Variants in ZNF707 observed in about 807,000 individuals in gnomAD.
ZNF707 encodes the protein zinc finger protein 707.
ZNF707 carries 8 observed loss-of-function variants against 13.3 expected under a neutral mutation model. The observed-to-expected ratio is 0.60, with a 90% CI of 0.35 to 1.09. The LOEUF (loss-of-function observed/expected upper bound fraction) is 1.09. ZNF707 is among the 50% of genes least tolerant of loss of function. The pLI is 0.02. For synonymous variants in ZNF707, 225 were observed against 205.6 expected (o/e 1.09, Z -0.81); for missense variants, 530 against 512.6 (o/e 1.03, Z -0.33).
At position 143,693,293 on chromosome 8, in the gene ZNF707, T is replaced by C. The variant is rs1225392661; in HGVS notation, c.257-378T>C. Among the ~76,000 whole-genome samples the C allele has an allele frequency of 6.6e-6, 1 of 151,736 alleles. No individual in the cohort carries two copies. Among genetic ancestry groups the C allele is most frequent in the Non-Finnish European group, 1.5e-5 (1 of 67,840 alleles). ...GGAGGGTCCTCTGGGCTTTTTTTTT[T>C]TTTTTGAGACGGAGTCTCGCTCTGT... On this transcript the variant is annotated intron_variant, in intron 5 of 5. Transcript: ENST00000358656. The surrounding 1 kb of genome is among the most constrained non-coding windows in gnomAD (Gnocchi z 4.1).
intron 5 of ZNF707, chr8:143,692,249 G>T (rs1437296368): frequency 1.6e-6 from 2 of 1,290,026 alleles, no homozygotes; most frequent in Non-Finnish European, 2.0e-6. Flanking sequence ...TTTCAGAGTG[G>T]GATGGAGCAG....
rs1204762981 is a variant in ZNF707 at position 143,686,789 on chromosome 8, A to C, written c.-151+2247A>C. On this transcript the variant is annotated intron_variant, in intron 1 of 5. Transcript: ENST00000358656. ...CCAAAGTGCTGGGATTACAGGCGTG[A>C]GCCACTGCACCCCGTCTCCTTTTTT... 25 of 148,958 alleles carry C rather than the reference A, an allele frequency of 1.7e-4. 1 individual carries two copies. Among genetic ancestry groups the C allele is most frequent in the African/African-American group, 6.2e-4 (25 of 40,466 alleles). The allele number at this position is 148,958 out of a possible 1,614,324, so 9.2% of individuals were successfully genotyped here.
chr8:143,687,667 G>A (rs778270462), intron 1 of ZNF707, among the ~76,000 whole-genome samples: 81 of 152,162 alleles, frequency 5.3e-4, no homozygotes, highest in Middle Eastern at 3.4e-3. Flanking sequence ...ATGGCTTTAT[G>A]TGTTTTTTCT....
chr8:143,694,629 G>C lies in ZNF707; in HGVS notation c.*99G>C. ...GCTCTTCAGCCTGGAAAATCAACCTGAATTCAGAGAAGCCTTCTTAGTCCT... is the reference window on the plus strand; with the variant it reads ...GCTCTTCAGCCTGGAAAATCAACCTCAATTCAGAGAAGCCTTCTTAGTCCT... On this transcript the variant is annotated 3_prime_UTR_variant, in exon 6 of 6. Coordinates refer to ENST00000358656, the MANE Select transcript of ZNF707 (RefSeq NM_001100598.2). The surrounding 1 kb of genome is among the most constrained non-coding windows in gnomAD (Gnocchi z 4.4). The C allele has an allele frequency of 3.0e-6, 4 of 1,333,644 alleles. No homozygotes were observed. The highest frequency in any genetic ancestry group is 4.0e-6 in the Non-Finnish European group (4 of 1,003,138). The allele number at this position is 1,333,644 out of a possible 1,614,324, so 82.6% of individuals were successfully genotyped here. A position where few individuals can be genotyped will look rare whatever the true frequency, so the allele number is the denominator to read the frequency against.
chr8:143,691,570 A>G (rs1377270875), intron 4 of ZNF707, 30 bp from the exon 5 acceptor site: 1 of 1,571,200 alleles, frequency 6.4e-7, no homozygotes, highest in African/African-American at 1.4e-5. Context: ...CAGTACAAGT[A>G]AAACAGAAAC....
At chr8:143,691,968 G>A (rs915905019) in intron 5 of ZNF707, 11 of 1,406,660 alleles carry the variant, frequency 7.8e-6, no homozygotes, top group Non-Finnish European at 9.6e-6. Context: ...GGAGGGGCCT[G>A]AGGCTGGAGT....
At position 143,691,283 on chromosome 8, in the gene ZNF707, A is replaced by G. The variant is rs1816789527; in HGVS notation, c.142+84A>G. On this transcript the variant is annotated intron_variant, in intron 4 of 5. Transcript: ENST00000358656. ...TGCCTCTGGGCCCAGCTCGTCCAGG[A>G]CAGTAGTGGGGCCTCCCAGCTGAGG... The G allele has an allele frequency of 4.6e-6, 7 of 1,516,874 alleles. No individual in the cohort carries two copies. In the East Asian group the frequency reaches 1.6e-4, roughly 35 times the overall value. The allele number at this position is 1,516,874 out of a possible 1,614,324, so 94.0% of individuals were successfully genotyped here. A position where few individuals can be genotyped will look rare whatever the true frequency, so the allele number is the denominator to read the frequency against.
rs782376325 is a variant in ZNF707, at chr8:143,691,680, G to A, written c.223G>A (p.Glu75Lys). The change falls in exon 5 of 6, where the codon GAG (glutamate) becomes AAG (lysine). Residue 75 changes from glutamate (E) to lysine (K), a missense_variant. Coordinates refer to ENST00000358656, the MANE Select transcript of ZNF707 (RefSeq NM_001100598.2). ...EPWVEDRERP[E>K]FQAVQRGPRP... ...GTGGGTTGAAGACCGGGAGAGACCT[G>A]AGTTCCAGGCAGTGCAGAGGGGACC... is the stretch of plus-strand genomic sequence containing the variant. 2.5e-6 allele frequency: 4 copies of A among 1,604,122 alleles called. No homozygotes were observed. In the East Asian group the frequency reaches 9.0e-5, roughly 36 times the overall value.
At chr8:143,692,262 A>G (rs1325424341) in intron 5 of ZNF707, 10 of 1,289,842 alleles carry the variant, frequency 7.8e-6, no homozygotes, top group Admixed American at 2.3e-5. Flanking sequence ...TGGAGCAGCT[A>G]TGTGAACACG....
intron 5 of ZNF707, 55 bp downstream of exon 5, chr8:143,691,768 C>T (rs908602836): frequency 6.9e-6 from 10 of 1,448,534 alleles, no homozygotes; most frequent in Non-Finnish European, 9.4e-6. Context: ...CCCACAGCTC[C>T]TGGGTAGTGC....
chr8:143,686,800 C>G (rs1270570768), intron 1 of ZNF707: 1 of 142,462 alleles, frequency 7.0e-6, no homozygotes. Context: ...GCCACTGCAC[C>G]CCGTCTCCTT....
chr8:143,691,904 C>A, intron 5 of ZNF707, 191 bp downstream of exon 5: 1 of 1,056,994 alleles, frequency 9.5e-7, no homozygotes, highest in Non-Finnish European at 1.4e-6. Context: ...GGACACTGGC[C>A]GGGGGTGGGG....
intron 1 of ZNF707, among the ~76,000 whole-genome samples, chr8:143,685,952 C>T (rs1323569618): frequency 6.6e-6 from 1 of 152,214 alleles, no homozygotes; most frequent in African/African-American, 2.4e-5. Flanking sequence ...GAAACCACGG[C>T]TCAGGAGGCC....
rs1554614856 is a variant in ZNF707 at position 143,694,540 on chromosome 8, AAG to A, written c.*13_*14del. ...GCACGGGGAGGTGTAGGGGCGCCCGAAGAGTGGGGTGCTGCGCCTCTGCGGGA... is the reference window on the plus strand; with the variant it reads ...GCACGGGGAGGTGTAGGGGCGCCCGAAGTGGGGTGCTGCGCCTCTGCGGGA... On this transcript the variant is annotated 3_prime_UTR_variant, in exon 6 of 6. Transcript: ENST00000358656. The surrounding 1 kb of genome is among the most constrained non-coding windows in gnomAD (Gnocchi z 4.4). The A allele has an allele frequency of 1.3e-6, 2 of 1,585,674 alleles. No individual in the cohort carries two copies. Among genetic ancestry groups the A allele is most frequent in the African/African-American group, 2.7e-5 (2 of 74,418 alleles).
chr8:143,687,921 T>C (rs1816435864), intron 1 of ZNF707: 1 of 152,130 alleles, frequency 6.6e-6, no homozygotes, highest in African/African-American at 2.4e-5. Context: ...TAATAGCTGT[T>C]ATATGGTTTT....
At position 143,694,501 on chromosome 8, in the gene ZNF707, C is replaced by T. The variant is rs1817163139; in HGVS notation, c.1087C>T (p.Gln363Ter). 1.2e-6 allele frequency: 2 copies of T among 1,607,292 alleles called. No homozygotes were observed. Among genetic ancestry groups the T allele is most frequent in the East Asian group, 2.2e-5 (1 of 44,698 alleles). Reference sequence around the variant, plus strand: ...TCACCTGGGGTTCTTCACGCGGCATCAGAGGACTCACAGGCACGGGGAGGT... The same window carrying T: ...TCACCTGGGGTTCTTCACGCGGCATTAGAGGACTCACAGGCACGGGGAGGT... The part of the protein sequence containing the change: ...FRHLGFFTRH[Q>*]RTHRHGEV The change falls in exon 6 of 6, where the codon CAG becomes TAG. Residue 363 changes from glutamine to a stop codon, truncating the protein, a stop_gained. Transcript: ENST00000358656. LOFTEE classifies it low-confidence loss of function (END_TRUNC). This position sits in a 1 kb window ranked among gnomAD's most constrained non-coding sequence, Gnocchi z 4.4.
At chr8:143,685,672 T>A (rs542421620) in intron 1 of ZNF707, among the ~76,000 whole-genome samples, 2 of 152,288 alleles carry the variant, frequency 1.3e-5, no homozygotes, top group South Asian at 4.1e-4. Flanking sequence ...AGACCCCGTT[T>A]CTGCAAAAAA....
chr8:143,692,074 A>G, intron 5 of ZNF707: 1 of 1,353,644 alleles, frequency 7.4e-7, no homozygotes, highest in Non-Finnish European at 9.7e-7. Context: ...GTGGGGTCCC[A>G]GGCCTGGTAC....
Position 143,694,057 on chromosome 8 carries a change from T to G in ZNF707, c.643T>G (p.Trp215Gly). 6.2e-7 allele frequency: 1 copy of G among 1,607,644 alleles called. No homozygotes were observed. The highest frequency in any genetic ancestry group is 8.5e-7 in the Non-Finnish European group (1 of 1,177,944). The change falls in exon 6 of 6, where the codon TGG becomes GGG. Residue 215 changes from tryptophan (W) to glycine (G), a missense_variant. Physicochemically the swap from Trp to Gly is radical, Grantham distance 184 (BLOSUM62 -2). Transcript: ENST00000358656. The surrounding 1 kb of genome is among the most constrained non-coding windows in gnomAD (Gnocchi z 4.4). ...ECPECGQTFRWASNLQRHQKN... is the reference protein window; with the variant it reads ...ECPECGQTFRGASNLQRHQKN... ...CCCCGAGTGCGGCCAGACCTTCCGGTGGGCTTCAAACCTGCAGCGCCACCA... is the reference window on the plus strand; with the variant it reads ...CCCCGAGTGCGGCCAGACCTTCCGGGGGGCTTCAAACCTGCAGCGCCACCA...
Sources: gnomAD v4.1 joint callset for allele counts (sites outside exome capture counted in the v4.1 genomes callset) on GRCh38, gnomAD v4.1.1 for gene constraint, Gnocchi (gnomAD v3.1) non-coding constraint, MANE v1.5 for transcripts, NCBI Gene and HGNC (gene_info 2026-07-23, HGNC 2026-07-21) for gene names.